ANKRD50: variants seen among roughly 807,000 people sequenced by gnomAD.
ANKRD50 encodes ankyrin repeat domain 50, also known as ankyrin repeat domain-containing protein 50.
Under a neutral mutation model 112.0 loss-of-function variants are expected in ANKRD50, and 40 were observed. The ratio of observed to expected loss-of-function variants is 0.36; its 90% CI spans 0.28 to 0.46. The LOEUF (loss-of-function observed/expected upper bound fraction) is 0.46, where lower values mean the gene tolerates loss of function less well. Ranked by LOEUF, ANKRD50 falls within the 20% of genes least tolerant of loss-of-function variation. The probability of loss-of-function intolerance (pLI) is 1.00; values close to 1 mark genes in which losing one functional copy is unlikely to be tolerated. For synonymous variants in ANKRD50, 613 were observed against 619.1 expected (o/e 0.99, Z 0.15); for missense variants, 1,487 against 1,701.7 (o/e 0.87, Z 2.22).
chr4:124,680,025 C>T (rs941529973), intron 2 of ANKRD50, among the ~76,000 whole-genome samples: 6 of 152,180 alleles, frequency 3.9e-5, no homozygotes, highest in Non-Finnish European at 2.9e-5. Context: ...GCCTGGCATG[C>T]ACTTCCCGTC....
At chr4:124,676,179 G>A (rs1237547100) in intron 3 of ANKRD50, among the ~76,000 whole-genome samples, 1 of 151,622 alleles carries the variant, frequency 6.6e-6, no homozygotes, top group African/African-American at 2.4e-5. Context: ...TAAATGCACA[G>A]ATATGTTATG....
rs201925261 is a variant in ANKRD50, at chr4:124,678,820, T to C, written c.598A>G (p.Ile200Val). The C allele has an allele frequency of 1.9e-6, 3 of 1,613,754 alleles. No individual in the cohort carries two copies. The highest frequency in any genetic ancestry group is 2.5e-6 in the Non-Finnish European group (3 of 1,179,844). ...LVDSVDEGCN[I>V]TEGEQTSTSL... ...GTAGACGTTTGTTCACCTTCAGTAATGTTACACCCTTCATCAACAGAATCA... is the reference window on the plus strand; with the variant it reads ...GTAGACGTTTGTTCACCTTCAGTAACGTTACACCCTTCATCAACAGAATCA... Residue 200 changes from isoleucine to valine, a missense_variant, in exon 3 of 5, where the codon ATT becomes GTT. By Grantham distance (29) the Ile-to-Val change is conservative. Transcript: ENST00000504087.
Position 124,710,739 on chromosome 4 carries a change from G to A in ANKRD50, c.-228C>T. ...TTAGTTGTTGAACTGAGGGAGAAAC[G>A]CCTGATTCCACAGCTCAGCAACACT... is the stretch of plus-strand genomic sequence containing the variant. On this transcript the variant is annotated 5_prime_UTR_variant, in exon 2 of 5. Transcript: ENST00000504087. 1 of 546,228 alleles carries A rather than the reference G, an allele frequency of 1.8e-6. No homozygotes were observed. The highest frequency in any genetic ancestry group is 3.2e-6 in the Non-Finnish European group (1 of 311,504). The allele number at this position is 546,228 out of a possible 1,614,324, so 33.8% of individuals were successfully genotyped here. A position where few individuals can be genotyped will look rare whatever the true frequency, so the allele number is the denominator to read the frequency against.
rs1049913945 is a variant in ANKRD50, at chr4:124,669,711, T to C, written c.3566A>G (p.Asn1189Ser). 3 of 1,612,938 alleles carry C rather than the reference T, an allele frequency of 1.9e-6. No individual in the cohort carries two copies. In the African/African-American group the frequency reaches 4.0e-5, roughly 22 times the overall value. ...LSNNSLKSSK[N>S]SSLRTTSSTA... ...AGATGAAGTAGTTCTCAAAGATGAA[T>C]TTTTTGAGCTTTTCAGGGAATTATT... The change falls in exon 4 of 5, where the codon AAT becomes AGT. Residue 1189 changes from asparagine (N) to serine (S), a missense_variant. Physicochemically the swap from Asn to Ser is conservative, Grantham distance 46. Around this residue, in one of 2 missense-constraint regions of ANKRD50, gnomAD observed 441 missense variants for 432.2 expected, o/e 1.02. Transcript: ENST00000504087.
chr4:124,702,404 A>C (rs1033123171), intron 2 of ANKRD50, among the ~76,000 whole-genome samples: 1 of 152,198 alleles, frequency 6.6e-6, no homozygotes, highest in African/African-American at 2.4e-5. Flanking sequence ...GAATATTATG[A>C]CAGAAGACAG....
chr4:124,690,871 G>T (rs1467908224), intron 2 of ANKRD50, among the ~76,000 whole-genome samples: 2 of 152,132 alleles, frequency 1.3e-5, no homozygotes, highest in Non-Finnish European at 1.5e-5. Flanking sequence ...AATCAATTGT[G>T]GCTCATGTAC....
intron 2 of ANKRD50, among the ~76,000 whole-genome samples, chr4:124,700,931 T>C (rs1352113666): frequency 6.6e-6 from 1 of 152,166 alleles, no homozygotes; most frequent in Non-Finnish European, 1.5e-5. Flanking sequence ...CAAACCTTAA[T>C]GGCTGAGCCA....
chr4:124,670,472 A>G lies in ANKRD50; in HGVS notation c.2805T>C (p.His935=). 3 of 1,613,848 alleles carry G rather than the reference A, an allele frequency of 1.9e-6. No individual in the cohort carries two copies. The highest frequency in any genetic ancestry group is 2.5e-6 in the Non-Finnish European group (3 of 1,179,856). ...CATCTTTGCAGTTAACATCAGCACC[A>G]TGGCTAAAAAGCAATTCAACAATGT... ...HRDIVELLFS[H]GADVNCKDAD... Residue 935 remains histidine (H), a synonymous_variant, in exon 4 of 5, where the codon CAT becomes CAC. Transcript: ENST00000504087.
At chr4:124,687,303 G>A (rs918548209) in intron 2 of ANKRD50, among the ~76,000 whole-genome samples, 9 of 151,854 alleles carry the variant, frequency 5.9e-5, no homozygotes, top group African/African-American at 2.2e-4. Flanking sequence ...AAATGATGCT[G>A]AACAAACAAT....
rs1187668681 is a variant in ANKRD50, at chr4:124,672,054, T to C, written c.1223A>G (p.His408Arg). 6.2e-7 allele frequency: 1 copy of C among 1,613,908 alleles called. No homozygotes were observed. The highest frequency in any genetic ancestry group is 1.7e-5 in the Admixed American group (1 of 59,988). The change falls in exon 4 of 5, where the codon CAT (histidine) becomes CGT (arginine). Residue 408 changes from histidine to arginine, a missense_variant. His to Arg is a conservative substitution (Grantham distance 29). Around this residue, in one of 2 missense-constraint regions of ANKRD50, gnomAD observed 1,046 missense variants for 1,269.5 expected, o/e 0.82. Coordinates refer to ENST00000504087, the MANE Select transcript of ANKRD50 (RefSeq NM_020337.3). ...CAGAAGCCACTCGGCAAAACTATAA[T>C]GAAACAGTATTTTTGTATTTCCTAG... The part of the protein sequence containing the change: ...DGLGNTKILF[H>R]YSFAEWLLDV...
At chr4:124,684,471 C>T (rs1321349982) in intron 2 of ANKRD50, among the ~76,000 whole-genome samples, 1 of 152,178 alleles carries the variant, frequency 6.6e-6, no homozygotes, top group Non-Finnish European at 1.5e-5. Flanking sequence ...TCCTCCTGCA[C>T]ATACATGGCT....
chr4:124,675,771 GGCT>G (rs1382501651), intron 3 of ANKRD50, among the ~76,000 whole-genome samples: 6 of 151,522 alleles, frequency 4.0e-5, no homozygotes, highest in Admixed American at 6.6e-5. Context: ...TTTTGAAATA[GGCT>G]GCTATTTCTT....
intron 3 of ANKRD50, 146 bp downstream of exon 3, chr4:124,678,530 T>C (rs984206718): frequency 2.9e-6 from 2 of 700,140 alleles, no homozygotes; most frequent in African/African-American, 1.8e-5. Context: ...AAGGCTTTTT[T>C]ATATAAATTT....
At chr4:124,703,706 T>A (rs866292371) in intron 2 of ANKRD50, among the ~76,000 whole-genome samples, 1 of 151,680 alleles carries the variant, frequency 6.6e-6, no homozygotes, top group East Asian at 1.9e-4. Context: ...AATCTGGATA[T>A]GTATATGAAA....
intron 2 of ANKRD50, among the ~76,000 whole-genome samples, chr4:124,697,670 T>C (rs1358796975): frequency 2.6e-5 from 4 of 152,174 alleles, no homozygotes; most frequent in Admixed American, 1.3e-4. Flanking sequence ...ACCAGAATTA[T>C]GAGCCAAACA....
At chr4:124,668,189 G>A (rs1313709062) in intron 4 of ANKRD50, among the ~76,000 whole-genome samples, 1 of 151,766 alleles carries the variant, frequency 6.6e-6, no homozygotes, top group Non-Finnish European at 1.5e-5. Flanking sequence ...TATTAATGAA[G>A]TATCCTTTGT....
chr4:124,672,493 T>C lies in ANKRD50; in HGVS notation c.784A>G (p.Ile262Val), dbSNP rs1433259477. ...ATGTACTGCTGAACATCCTTGACGA[T>C]ATATGCCTTCCGAAGGTCATCTAAA... ...ISLDDLRKAYIVKDVQQYILH... is the reference protein window; with the variant it reads ...ISLDDLRKAYVVKDVQQYILH... Residue 262 changes from isoleucine to valine, a missense_variant, in exon 4 of 5, where the codon ATC becomes GTC. By Grantham distance (29) the Ile-to-Val change is conservative. This residue lies in a region of ANKRD50 where 1,046 missense variants were observed against 1,269.5 expected (regional missense o/e 0.82). Transcript: ENST00000504087. 3.7e-6 allele frequency: 6 copies of C among 1,604,772 alleles called. No homozygotes were observed. Among genetic ancestry groups the C allele is most frequent in the Non-Finnish European group, 5.1e-6 (6 of 1,177,142 alleles).
At chr4:124,678,978 A>T (rs1168908069) in intron 2 of ANKRD50, 73 bp from the exon 3 acceptor site, 2 of 1,089,952 alleles carry the variant, frequency 1.8e-6, no homozygotes, top group Non-Finnish European at 2.7e-6. Context: ...TTCAAACATT[A>T]GAGTATTAAT....
At chr4:124,668,324 G>A (rs1240996174) in intron 4 of ANKRD50, among the ~76,000 whole-genome samples, 1 of 152,012 alleles carries the variant, frequency 6.6e-6, no homozygotes, top group Admixed American at 6.6e-5. Context: ...CCTTATGTGT[G>A]AAAACATTAC....
Sources: gnomAD v4.1 joint callset for allele counts (sites outside exome capture counted in the v4.1 genomes callset) on GRCh38, gnomAD v4.1.1 for gene constraint, gnomAD v4.1.1 regional missense constraint, MANE v1.5 for transcripts, NCBI Gene and HGNC (gene_info 2026-07-23, HGNC 2026-07-21) for gene names.